The following L3MBTL4 variants were observed in gnomAD, a reference collection of about 807,000 sequenced individuals.
The protein encoded by L3MBTL4 is L3MBTL histone methyl-lysine binding protein 4.
A neutral mutation model predicts 84.5 loss-of-function variants in L3MBTL4; 70 were observed. The ratio of observed to expected loss-of-function variants is 0.83; its 90% CI spans 0.68 to 1.01. The LOEUF is 1.01. Among genes scored for constraint, L3MBTL4 ranks in the 50% least tolerant of loss-of-function variants. The pLI, the probability that L3MBTL4 is intolerant of heterozygous loss-of-function variation, is 0.00. For missense variants in L3MBTL4, 715 were observed against 754.8 expected, an observed-to-expected ratio of 0.95 and a Z score of 0.62; for synonymous variants, 274 against 259.8, an observed-to-expected ratio of 1.05 and a Z score of -0.52.
intron 12 of L3MBTL4, among the ~76,000 whole-genome samples, chr18:6,192,033 A>G (rs1222398462): frequency 6.6e-6 from 1 of 151,828 alleles, no homozygotes; most frequent in Non-Finnish European, 1.5e-5. Context: ...AAAGAAAGAA[A>G]AAGAGAAAAG....
At chr18:6,141,177 C>T (rs1175437859) in intron 13 of L3MBTL4, among the ~76,000 whole-genome samples, 2 of 151,880 alleles carry the variant, frequency 1.3e-5, no homozygotes, top group Non-Finnish European at 2.9e-5. Context: ...AGTTTGCAGT[C>T]TCCTTCTGGA....
intron 14 of L3MBTL4, among the ~76,000 whole-genome samples, chr18:6,126,754 G>A (rs953709893): frequency 6.6e-6 from 1 of 152,152 alleles, no homozygotes; most frequent in Non-Finnish European, 1.5e-5. Flanking sequence ...ATCCATGACT[G>A]ATCTTTTGTT....
chr18:6,311,779 A>C (rs942337598), intron 2 of L3MBTL4, 123 bp from the exon 3 acceptor site: 17 of 617,250 alleles, frequency 2.8e-5, no homozygotes, highest in Non-Finnish European at 3.8e-5. Context: ...ATAACCTGAT[A>C]AGTTGACAAA....
chr18:6,020,666 C>A (rs541563248), intron 16 of L3MBTL4, among the ~76,000 whole-genome samples: 14 of 152,178 alleles, frequency 9.2e-5, no homozygotes, highest in African/African-American at 3.4e-4. Flanking sequence ...ACTTTGGAGG[C>A]AAAATCAATA....
chr18:6,166,295 C>A (rs2043652596), intron 13 of L3MBTL4, among the ~76,000 whole-genome samples: 2 of 152,126 alleles, frequency 1.3e-5, no homozygotes, highest in Non-Finnish European at 2.9e-5. Flanking sequence ...ACAAGGATAT[C>A]CAGGAATTGA....
At chr18:6,038,249 A>ATATT in intron 16 of L3MBTL4, among the ~76,000 whole-genome samples, 1 of 88,556 alleles carries the variant, frequency 1.1e-5, no homozygotes, top group East Asian at 4.6e-4. Context: ...CCATTTCTGG[A>ATATT]TCTTTTTTTT....
intron 16 of L3MBTL4, among the ~76,000 whole-genome samples, chr18:6,002,488 C>T (rs140786204): frequency 6.6e-6 from 1 of 152,090 alleles, no homozygotes; most frequent in East Asian, 1.9e-4. Flanking sequence ...CAATTATTAG[C>T]CTATGTTTTT....
chr18:5,959,008 G>A (rs1244879315), intron 18 of L3MBTL4, among the ~76,000 whole-genome samples: 4 of 152,172 alleles, frequency 2.6e-5, no homozygotes, highest in African/African-American at 7.2e-5. Context: ...GCTGAGCTCA[G>A]GCAGAGCCAG....
intron 16 of L3MBTL4, among the ~76,000 whole-genome samples, chr18:5,995,667 T>C (rs1453717841): frequency 1.3e-5 from 2 of 152,160 alleles, no homozygotes; most frequent in African/African-American, 2.4e-5. Context: ...GCTGAGGGAA[T>C]ACTCAAAAGA....
chr18:6,238,941 T>A (rs967359640), intron 9 of L3MBTL4, among the ~76,000 whole-genome samples: 1 of 151,950 alleles, frequency 6.6e-6, no homozygotes, highest in Non-Finnish European at 1.5e-5. Flanking sequence ...CCCTTTCAAC[T>A]CATGTCATGT....
chr18:6,193,644 G>A (rs749550045), intron 12 of L3MBTL4, among the ~76,000 whole-genome samples: 20 of 152,180 alleles, frequency 1.3e-4, no homozygotes, highest in Non-Finnish European at 1.9e-4. Context: ...ACATCACTGC[G>A]GATAAAGGGC....
At chr18:6,059,557 T>G (rs192638271) in intron 16 of L3MBTL4, among the ~76,000 whole-genome samples, 4 of 151,962 alleles carry the variant, frequency 2.6e-5, no homozygotes, top group Middle Eastern at 6.3e-3. Context: ...AAATTTTGTA[T>G]GAAAAGAAGG....
chr18:6,334,747 T>C (rs1365256915), intron 1 of L3MBTL4, among the ~76,000 whole-genome samples: 1 of 152,168 alleles, frequency 6.6e-6, no homozygotes, highest in Non-Finnish European at 1.5e-5. Context: ...TATAGTTTGT[T>C]TGGGGGTAAG....
At chr18:6,379,113 CTGTT>C (rs1243273786) in intron 1 of L3MBTL4, among the ~76,000 whole-genome samples, 1 of 152,130 alleles carries the variant, frequency 6.6e-6, no homozygotes, top group Non-Finnish European at 1.5e-5. Context: ...TGATTTGGCT[CTGTT>C]TGTCTGTTAT....
chr18:5,961,703 G>T (rs1209285566), intron 17 of L3MBTL4, among the ~76,000 whole-genome samples: 1 of 152,142 alleles, frequency 6.6e-6, no homozygotes, highest in Non-Finnish European at 1.5e-5. Context: ...TTAGTATTAC[G>T]AGCTAATTCA....
intron 1 of L3MBTL4, among the ~76,000 whole-genome samples, chr18:6,333,866 C>T (rs1281001188): frequency 2.6e-5 from 4 of 152,212 alleles, no homozygotes; most frequent in African/African-American, 4.8e-5. Context: ...AATAAGTGCA[C>T]TGAACTCATC....
intron 14 of L3MBTL4, among the ~76,000 whole-genome samples, chr18:6,094,623 G>C (rs2058571225): frequency 6.6e-6 from 1 of 152,082 alleles, no homozygotes; most frequent in Non-Finnish European, 1.5e-5. Context: ...CTGATACATA[G>C]TACAAAGTAA....
chr18:6,046,598 G>T (rs1314289722), intron 16 of L3MBTL4: 1 of 561,378 alleles, frequency 1.8e-6, no homozygotes, highest in East Asian at 3.0e-5. Flanking sequence ...TCAATACCAA[G>T]ATCTCCCAAA....
Position 5,981,655 on chromosome 18 carries a change from GAAA to G in L3MBTL4, c.1445-12096_1445-12094del, listed in dbSNP as rs57409444. ...ACACAGCAAGACTCCTTTCTTTGAG[GAAA>G]AAAAAAAAAAGCCAGCCTTGGTGGC... On this transcript the variant is annotated intron_variant, in intron 16 of 18. Transcript: ENST00000317931. Among the ~76,000 whole-genome samples the G allele has an allele frequency of 2.5e-3, 351 of 142,082 alleles. 3 individuals are homozygous for G. Among genetic ancestry groups the G allele is most frequent in the African/African-American group, 8.6e-3 (339 of 39,538 alleles). The allele number at this position is 142,082 out of a possible 152,430, so 93.2% of individuals were successfully genotyped here.
Sources: allele counts gnomAD v4.1 joint callset (sites outside exome capture counted in the v4.1 genomes callset), GRCh38; gene constraint gnomAD v4.1.1; transcripts MANE v1.5; gene names NCBI Gene and HGNC (gene_info 2026-07-23, HGNC 2026-07-21).